The following SOX6 variants were observed in gnomAD, a reference collection of about 807,000 sequenced individuals.
The protein encoded by SOX6 is SRY-box transcription factor 6.
A neutral mutation model predicts 97.8 loss-of-function variants in SOX6; 11 were observed. The observed-to-expected ratio is 0.11, with a 90% CI of 0.07 to 0.19. The LOEUF (loss-of-function observed/expected upper bound fraction) is 0.19, where lower values mean the gene tolerates loss of function less well. Ranked by LOEUF, SOX6 falls within the 10% of genes least tolerant of loss-of-function variation. SOX6 has a pLI of 1.00. For missense variants in SOX6, 810 were observed against 1,039.5 expected, an observed-to-expected ratio of 0.78 and a Z score of 3.04; for synonymous variants, 360 against 371.4, an observed-to-expected ratio of 0.97 and a Z score of 0.35.
At chr11:16,186,634 A>C (rs1164387444) in intron 5 of SOX6, 149 bp downstream of exon 5, 1 of 1,064,182 alleles carries the variant, frequency 9.4e-7, no homozygotes, top group Non-Finnish European at 1.3e-6. Context: ...CTAGATTTCC[A>C]GAAGGCTTTG....
chr11:16,385,252 T>TC (rs2134416112), intron 1 of SOX6, among the ~76,000 whole-genome samples: 1 of 152,200 alleles, frequency 6.6e-6, no homozygotes, highest in South Asian at 2.1e-4. Context: ...TTCTATAATT[T>TC]CCCCCAAAAG....
intron 1 of SOX6, among the ~76,000 whole-genome samples, chr11:16,425,097 C>A (rs1482244470): frequency 6.6e-6 from 1 of 152,204 alleles, no homozygotes; most frequent in Admixed American, 6.5e-5. Flanking sequence ...TAGTTTATAG[C>A]AAATTTATAT....
intron 13 of SOX6, among the ~76,000 whole-genome samples, chr11:16,003,544 G>T (rs1264293610): frequency 6.6e-6 from 1 of 151,952 alleles, no homozygotes; most frequent in Non-Finnish European, 1.5e-5. Flanking sequence ...TGACTGCATT[G>T]TGTCTTATCC....
At chr11:16,088,971 C>T (rs1294615955) in intron 9 of SOX6, among the ~76,000 whole-genome samples, 1 of 152,130 alleles carries the variant, frequency 6.6e-6, no homozygotes, top group African/African-American at 2.4e-5. Context: ...AGGGGAATTG[C>T]TGACAAGGCA....
chr11:16,445,823 T>A (rs1038014921), intron 1 of SOX6, among the ~76,000 whole-genome samples: 7 of 152,028 alleles, frequency 4.6e-5, no homozygotes, highest in African/African-American at 1.4e-4. Flanking sequence ...CCCACAAAGG[T>A]TTATTTATAG....
At chr11:16,435,907 C>G (rs1859367161) in intron 1 of SOX6, among the ~76,000 whole-genome samples, 1 of 152,052 alleles carries the variant, frequency 6.6e-6, no homozygotes, top group Non-Finnish European at 1.5e-5. Context: ...TCAGTGGTCT[C>G]TCTCCATTAA....
At chr11:16,013,130 C>T (rs1012490293) in intron 13 of SOX6, among the ~76,000 whole-genome samples, 3 of 151,904 alleles carry the variant, frequency 2.0e-5, no homozygotes, top group African/African-American at 7.3e-5. Flanking sequence ...ACCAAATATG[C>T]AGTTAAGGAA....
intron 4 of SOX6, among the ~76,000 whole-genome samples, chr11:16,569,868 C>CAAAAAAAAA (rs34604334): frequency 0.059 from 5,002 of 84,226 alleles, 229 homozygotes; most frequent in Non-Finnish European, 0.082. Context: ...GACTCCGTCT[C>CAAAAAAAAA]AAAAAAAAAA....
intron 1 of SOX6, among the ~76,000 whole-genome samples, chr11:16,365,285 C>CTGTGTGTGTGTG (rs35122849): frequency 3.4e-5 from 5 of 148,718 alleles, no homozygotes; most frequent in Non-Finnish European, 4.5e-5. Context: ...CAGGGAAGTA[C>CTGTGTGTGTGTG]TGTGTGTGTG....
intron 3 of SOX6, among the ~76,000 whole-genome samples, chr11:16,294,730 ATTG>A (rs1189025338): frequency 6.6e-6 from 1 of 152,052 alleles, no homozygotes; most frequent in African/African-American, 2.4e-5. Context: ...ACTGAAAAAA[ATTG>A]TTTTTATTTG....
intron 1 of SOX6, among the ~76,000 whole-genome samples, chr11:16,469,130 C>A (rs1313347862): frequency 6.7e-6 from 1 of 149,840 alleles, no homozygotes; most frequent in East Asian, 2.0e-4. Flanking sequence ...ATAATAGTAA[C>A]TGAGTAAATT....
At chr11:16,507,444 G>T (rs959186981) in intron 4 of SOX6, among the ~76,000 whole-genome samples, 1 of 151,846 alleles carries the variant, frequency 6.6e-6, no homozygotes, top group African/African-American at 2.4e-5. Flanking sequence ...CTAAAAAAAG[G>T]GCCCAAATAG....
chr11:16,331,457 T>G (rs1414703319), intron 2 of SOX6, among the ~76,000 whole-genome samples: 2 of 152,096 alleles, frequency 1.3e-5, no homozygotes. Flanking sequence ...CTCAACAAAC[T>G]CCTCTCTTCA....
intron 6 of SOX6, among the ~76,000 whole-genome samples, chr11:16,140,474 C>A (rs900178066): frequency 6.6e-6 from 1 of 152,034 alleles, no homozygotes; most frequent in African/African-American, 2.4e-5. Flanking sequence ...ATACCTGGCT[C>A]CAACTAATTA....
chr11:15,986,451 G>T (rs1438235817), intron 14 of SOX6, 31 bp from the exon 15 acceptor site: 1 of 1,607,898 alleles, frequency 6.2e-7, no homozygotes, highest in Non-Finnish European at 8.5e-7. Flanking sequence ...AAGTACCCAA[G>T]TGGTCAAGGC....
At chr11:16,200,147 A>T (rs931330825) in intron 4 of SOX6, among the ~76,000 whole-genome samples, 22 of 152,096 alleles carry the variant, frequency 1.4e-4, no homozygotes, top group Admixed American at 3.9e-4. Flanking sequence ...TACTTTAGAT[A>T]AAAAACAAGC....
At chr11:16,698,176 C>A (rs148008619) in intron 3 of SOX6, among the ~76,000 whole-genome samples, 399 of 152,316 alleles carry the variant, frequency 2.6e-3, no homozygotes, top group African/African-American at 9.3e-3. Context: ...ATTTCATTTA[C>A]AGTGAAAATC....
chr11:16,372,022 A>G (rs901009373), intron 1 of SOX6, among the ~76,000 whole-genome samples: 1 of 152,028 alleles, frequency 6.6e-6, no homozygotes, highest in Admixed American at 6.6e-5. Flanking sequence ...GACAGGTAAA[A>G]CCTCCCAAAT....
chr11:16,471,240 G>GA (rs569774424), intron 1 of SOX6, among the ~76,000 whole-genome samples: 45 of 151,514 alleles, frequency 3.0e-4, no homozygotes, highest in Admixed American at 2.6e-3. Context: ...TTTAGGAAAA[G>GA]AAAAAAAGGA....
Sources: gnomAD v4.1 joint callset for allele counts (sites outside exome capture counted in the v4.1 genomes callset) on GRCh38, gnomAD v4.1.1 for gene constraint, MANE v1.5 for transcripts, NCBI Gene and HGNC (gene_info 2026-07-23, HGNC 2026-07-21) for gene names.